RHOJ: variants seen among roughly 807,000 people sequenced by gnomAD.
The protein encoded by RHOJ is ras homolog family member J, also known as rho-related GTP-binding protein RhoJ.
A neutral mutation model predicts 23.4 loss-of-function variants in RHOJ; 11 were observed. The observed-to-expected ratio is 0.47, with a 90% CI of 0.30 to 0.78. The LOEUF is 0.78. RHOJ is among the 30% of genes least tolerant of loss of function. The probability of loss-of-function intolerance (pLI) is 0.08; values close to 1 mark genes in which losing one functional copy is unlikely to be tolerated. For missense variants in RHOJ, 254 were observed against 273.4 expected, an observed-to-expected ratio of 0.93 and a Z score of 0.50; for synonymous variants, 102 against 102.7, an observed-to-expected ratio of 0.99 and a Z score of 0.04.
chr14:63,271,635 C>A (rs542127451), intron 2 of RHOJ, among the ~76,000 whole-genome samples: 39 of 152,338 alleles, frequency 2.6e-4, no homozygotes, highest in African/African-American at 9.1e-4. Flanking sequence ...ACTCCCATCA[C>A]CCAGGCTAGA....
chr14:63,252,810 A>G (rs1159920972), intron 1 of RHOJ, among the ~76,000 whole-genome samples: 4 of 152,170 alleles, frequency 2.6e-5, no homozygotes, highest in Non-Finnish European at 4.4e-5. Flanking sequence ...ATGGGGTATC[A>G]TTATGTTGCC....
chr14:63,222,668 G>T (rs1248940982), intron 1 of RHOJ, among the ~76,000 whole-genome samples: 1 of 152,070 alleles, frequency 6.6e-6, no homozygotes, highest in East Asian at 1.9e-4. Context: ...TTTTTGATGG[G>T]GTTGTTTGTT....
intron 4 of RHOJ, 117 bp from the exon 5 acceptor site, chr14:63,290,761 C>A: frequency 2.2e-6 from 2 of 920,868 alleles, no homozygotes; most frequent in Non-Finnish European, 3.2e-6. Context: ...ATCCAAACCA[C>A]CCCACAGGCT....
At position 63,204,921 on chromosome 14, in the gene RHOJ, G is replaced by A. The variant is rs1555343604; in HGVS notation, c.52G>A (p.Glu18Lys). 12 of 1,614,174 alleles carry A rather than the reference G, an allele frequency of 7.4e-6. No homozygotes were observed. The highest frequency in any genetic ancestry group is 1.1e-5 in the South Asian group (1 of 91,072). ...CAGCTGCGGCTGCAGGGGCAACGACGAGAAGAAGATGTTGAAGTGTGTGGT... is the reference window on the plus strand; with the variant it reads ...CAGCTGCGGCTGCAGGGGCAACGACAAGAAGAAGATGTTGAAGTGTGTGGT... ...DSSCGCRGND[E>K]KKMLKCVVVG... is the part of the protein sequence containing the mutation. The change falls in exon 1 of 5, where the codon GAG becomes AAG. Residue 18 changes from glutamate (E) to lysine (K), a missense_variant. Transcript: ENST00000316754.
chr14:63,208,815 C>T (rs1894170132), intron 1 of RHOJ, among the ~76,000 whole-genome samples: 1 of 152,152 alleles, frequency 6.6e-6, no homozygotes, highest in African/African-American at 2.4e-5. Flanking sequence ...GTAGCTCCAT[C>T]ATCAAAACCC....
At chr14:63,210,606 C>T (rs1052282017) in intron 1 of RHOJ, among the ~76,000 whole-genome samples, 5 of 152,218 alleles carry the variant, frequency 3.3e-5, no homozygotes, top group Non-Finnish European at 5.9e-5. Flanking sequence ...AGAGCTTTCA[C>T]AGCTTACCAT....
At chr14:63,214,711 G>A (rs904995827) in intron 1 of RHOJ, among the ~76,000 whole-genome samples, 3 of 152,144 alleles carry the variant, frequency 2.0e-5, no homozygotes, top group Admixed American at 1.3e-4. Context: ...GCCTCAGGGA[G>A]TCAGACTAGA....
At chr14:63,246,495 T>C (rs768242610) in intron 1 of RHOJ, among the ~76,000 whole-genome samples, 3 of 152,210 alleles carry the variant, frequency 2.0e-5, no homozygotes, top group African/African-American at 4.8e-5. Flanking sequence ...ACTGTGTTCT[T>C]GGAAAAATTA....
Position 63,204,554 on chromosome 14 carries a change from AC to A in RHOJ, c.-313del. 2.7e-6 allele frequency: 1 copy of A among 368,548 alleles called. No homozygotes were observed. Among genetic ancestry groups the A allele is most frequent in the Non-Finnish European group, 4.9e-6 (1 of 202,512 alleles). The allele number at this position is 368,548 out of a possible 1,614,324, so 22.8% of individuals were successfully genotyped here. A position where few individuals can be genotyped will look rare whatever the true frequency, so the allele number is the denominator to read the frequency against. ...CTAGAGACAGGGAGAGCAGAGTAAA[AC>A]CCTCAGGCTGCTGAAATTTCTAGGC... On this transcript the variant is annotated 5_prime_UTR_variant, in exon 1 of 5. Transcript: ENST00000316754.
intron 1 of RHOJ, among the ~76,000 whole-genome samples, chr14:63,231,807 C>T (rs1220815775): frequency 6.6e-6 from 1 of 152,192 alleles, no homozygotes; most frequent in East Asian, 1.9e-4. Context: ...GGGAAAGATA[C>T]TTGATACAAC....
chr14:63,249,090 T>G (rs916088359), intron 1 of RHOJ, among the ~76,000 whole-genome samples: 1 of 152,078 alleles, frequency 6.6e-6, no homozygotes, highest in African/African-American at 2.4e-5. Flanking sequence ...TTGCAAACAG[T>G]CAGAGCCCAC....
intron 1 of RHOJ, among the ~76,000 whole-genome samples, chr14:63,241,440 T>C (rs1430693056): frequency 2.0e-5 from 3 of 152,206 alleles, no homozygotes; most frequent in African/African-American, 7.2e-5. Context: ...GTTACCCTTG[T>C]CTCTGGGCAC....
chr14:63,248,569 T>C (rs534246628), intron 1 of RHOJ, among the ~76,000 whole-genome samples: 3 of 152,364 alleles, frequency 2.0e-5, no homozygotes, highest in African/African-American at 7.2e-5. Context: ...TGGCCCTTAA[T>C]AGAATGGTCT....
intron 1 of RHOJ, 54 bp from the exon 2 acceptor site, chr14:63,269,056 T>C (rs1255457898): frequency 1.3e-5 from 17 of 1,286,204 alleles, no homozygotes; most frequent in Non-Finnish European, 1.8e-5. Flanking sequence ...AGGCTCCTGA[T>C]TGAAGCTTGT....
chr14:63,225,813 G>T (rs2139742159), intron 1 of RHOJ, among the ~76,000 whole-genome samples: 1 of 152,196 alleles, frequency 6.6e-6, no homozygotes, highest in African/African-American at 2.4e-5. Context: ...GAGGGGAAAA[G>T]GACTACAACC....
chr14:63,283,126 T>G lies in RHOJ; in HGVS notation c.408T>G (p.Asp136Glu). ...CACGTGTGTTTTCTTGCCAGATTGA[T>G]CTCCGTGATGACCCAAAAACCTTGG... ...VPYVLIGTQI[D>E]LRDDPKTLAR... is the part of the protein sequence containing the mutation. The change falls in exon 4 of 5, where the codon GAT becomes GAG. Residue 136 changes from aspartate to glutamate, a missense_variant. Coordinates refer to ENST00000316754, the MANE Select transcript of RHOJ (RefSeq NM_020663.5). 1 of 1,613,426 alleles carries G rather than the reference T, an allele frequency of 6.2e-7. No homozygotes were observed.
intron 1 of RHOJ, among the ~76,000 whole-genome samples, chr14:63,246,193 C>T (rs930730805): frequency 8.5e-5 from 13 of 152,156 alleles, no homozygotes; most frequent in African/African-American, 2.9e-4. Flanking sequence ...ATCCTCTCTA[C>T]TCACCACTCA....
In RHOJ at chr14:63,291,045, C is replaced by T. The variant is rs762976900; in HGVS notation, c.*21C>T. ...TCTGAGGTTGTCTGGGACCTGCCTC[C>T]ACCCCATCCAGGGATGAGAATGGCA... is the stretch of plus-strand genomic sequence containing the variant. On this transcript the variant is annotated 3_prime_UTR_variant, in exon 5 of 5. Transcript: ENST00000316754. 1.9e-6 allele frequency: 3 copies of T among 1,613,328 alleles called. No homozygotes were observed. The highest frequency in any genetic ancestry group is 1.3e-5 in the African/African-American group (1 of 74,916).
intron 4 of RHOJ, among the ~76,000 whole-genome samples, chr14:63,288,764 A>G (rs1882161167): frequency 6.6e-6 from 1 of 152,230 alleles, no homozygotes; most frequent in South Asian, 2.1e-4. Context: ...TTCAGTAACC[A>G]TTCTTGTCAG....
Sources: allele counts gnomAD v4.1 joint callset (sites outside exome capture counted in the v4.1 genomes callset), GRCh38; gene constraint gnomAD v4.1.1; transcripts MANE v1.5; gene names NCBI Gene and HGNC (gene_info 2026-07-23, HGNC 2026-07-21).